KLF13: variants seen among roughly 807,000 people sequenced by gnomAD.
KLF13 encodes the protein Krueppel-like factor 13.
A neutral mutation model predicts 16.7 loss-of-function variants in KLF13; 8 were observed. The ratio of observed to expected loss-of-function variants is 0.48; its 90% CI spans 0.28 to 0.87. KLF13 has a LOEUF of 0.87. KLF13 is among the 40% of genes least tolerant of loss of function. KLF13 has a pLI of 0.10. For missense variants in KLF13, 447 were observed against 452.2 expected (o/e 0.99, Z 0.10); for synonymous variants, 245 against 208.4 (o/e 1.18, Z -1.51).
intron 1 of KLF13, among the ~76,000 whole-genome samples, chr15:31,411,694 T>G (rs1289221609): frequency 1.3e-5 from 2 of 152,010 alleles, no homozygotes; most frequent in East Asian, 3.9e-4. Flanking sequence ...CATGAACCAC[T>G]GTGCCTGGCC....
At chr15:31,412,733 A>G (rs1379406734) in intron 1 of KLF13, among the ~76,000 whole-genome samples, 2 of 152,208 alleles carry the variant, frequency 1.3e-5, no homozygotes, top group African/African-American at 4.8e-5. Context: ...GAAGGCCATA[A>G]AACAGATAGC....
At chr15:31,351,364 T>TA (rs1424600999) in intron 1 of KLF13, among the ~76,000 whole-genome samples, 1 of 152,252 alleles carries the variant, frequency 6.6e-6, no homozygotes, top group Non-Finnish European at 1.5e-5. Context: ...TCACCACTGT[T>TA]AAAACGTGGG....
chr15:31,389,759 T>G (rs11639133), upstream of KLF13, among the ~76,000 whole-genome samples: 85,897 of 151,856 alleles, frequency 0.57, 24,939 homozygotes, highest in South Asian at 0.67. Context: ...ACTGCAACAG[T>G]GGGAGCCTCT....
intron 1 of KLF13, among the ~76,000 whole-genome samples, chr15:31,330,509 C>A (rs2038809724): frequency 6.6e-6 from 1 of 152,226 alleles, no homozygotes; most frequent in African/African-American, 2.4e-5. Flanking sequence ...CCTGCAAAGT[C>A]TTCAGGGACA....
chr15:31,435,496 C>T (rs146901318), exon 2 of KLF13: 3 of 152,312 alleles, frequency 2.0e-5, no homozygotes, highest in African/African-American at 4.8e-5. Flanking sequence ...CAGGCAATGT[C>T]GACACGCCCT....
In KLF13 at chr15:31,372,393, A is replaced by G; in HGVS notation, c.*94A>G. 7.7e-7 allele frequency: 1 copy of G among 1,298,796 alleles called. No individual in the cohort carries two copies. Among genetic ancestry groups the G allele is most frequent in the Non-Finnish European group, 9.9e-7 (1 of 1,008,134 alleles). The allele number at this position is 1,298,796 out of a possible 1,614,324, so 80.5% of individuals were successfully genotyped here. ...AAAGAAGAGAGAGAACTTGATGCAA[A>G]GTCCACGAAAAAACAATTTTTTTCA... is the stretch of plus-strand genomic sequence containing the variant. On this transcript the variant is annotated 3_prime_UTR_variant, in exon 2 of 2. Transcript: ENST00000307145.
At chr15:31,347,531 G>C (rs983391651) in intron 1 of KLF13, among the ~76,000 whole-genome samples, 4 of 152,220 alleles carry the variant, frequency 2.6e-5, no homozygotes, top group African/African-American at 4.8e-5. Flanking sequence ...GGCAGGATGT[G>C]GGGCCCAGGA....
chr15:31,345,551 C>G (rs989802721), intron 1 of KLF13, among the ~76,000 whole-genome samples: 7 of 152,204 alleles, frequency 4.6e-5, no homozygotes, highest in African/African-American at 1.7e-4. Context: ...AGGGTCCCAT[C>G]CTGAAACTGA....
At chr15:31,344,269 C>T (rs1427038186) in intron 1 of KLF13, among the ~76,000 whole-genome samples, 1 of 152,242 alleles carries the variant, frequency 6.6e-6, no homozygotes, top group Non-Finnish European at 1.5e-5. Context: ...GGGGAGTGGG[C>T]ACCTAGGCTT....
At chr15:31,371,567 A>T (rs2039554883) in intron 1 of KLF13, among the ~76,000 whole-genome samples, 1 of 152,150 alleles carries the variant, frequency 6.6e-6, no homozygotes, top group South Asian at 2.1e-4. Flanking sequence ...AGGGGTGCAG[A>T]GTGTGGCTCC....
Position 31,365,444 on chromosome 15 carries a change from C to T in KLF13, c.578-6566C>T, listed in dbSNP as rs879744340. ...GCGAGGCTTCCTAGAGAAGACCCAG[C>T]AGGAGGCCGGCAGAAGAGGCCCTTG... On this transcript the variant is annotated intron_variant, in intron 1 of 1. Transcript: ENST00000307145. 4.9e-4 allele frequency among the ~76,000 whole-genome samples: 75 copies of T among 152,172 alleles called. 1 individual carries two copies. The highest frequency in any genetic ancestry group is 7.3e-5 in the Non-Finnish European group (5 of 68,032).
chr15:31,334,107 T>A (rs1263922609), intron 1 of KLF13, among the ~76,000 whole-genome samples: 9 of 152,180 alleles, frequency 5.9e-5, no homozygotes, highest in Non-Finnish European at 8.8e-5. Flanking sequence ...GGGTTCAGCT[T>A]TGGAAGGCTT....
chr15:31,356,574 G>C (rs761020462), intron 1 of KLF13, among the ~76,000 whole-genome samples: 4 of 152,242 alleles, frequency 2.6e-5, no homozygotes, highest in Non-Finnish European at 5.9e-5. Flanking sequence ...AGAACATGCA[G>C]TGTTTGGTTT....
chr15:31,327,462 A>G lies in KLF13; in HGVS notation c.250A>G (p.Arg84Gly). ...GCCGGCGCCCGCCCCGGCGGAGCGC[A>G]GGGAGGGCGCCGCGGCCCGGAAGGC... ...QAPAPAPAER[R>G]EGAAARKART... Residue 84 changes from arginine (R) to glycine (G), a missense_variant, in exon 1 of 2, where the codon AGG (arginine) becomes GGG (glycine). Transcript: ENST00000307145. The G allele has an allele frequency of 9.2e-7, 1 of 1,089,260 alleles. No individual in the cohort carries two copies. Among genetic ancestry groups the G allele is most frequent in the Non-Finnish European group, 1.1e-6 (1 of 896,862 alleles). 67.5% of individuals were successfully genotyped at this position (1,089,260 alleles called of 1,614,324 possible). A position where few individuals can be genotyped will look rare whatever the true frequency, so the allele number is the denominator to read the frequency against.
At chr15:31,435,191 C>G (rs968152089) in intron 1 of KLF13, among the ~76,000 whole-genome samples, 2 of 152,012 alleles carry the variant, frequency 1.3e-5, no homozygotes, top group Non-Finnish European at 2.9e-5. Context: ...GGGGCTGTTC[C>G]GAGGGGCCTT....
rs116972436 is a variant in KLF13 at position 31,396,787 on chromosome 15, C to T, written n.529+3096C>T. Among the ~76,000 whole-genome samples, 18 of 152,276 alleles carry T rather than the reference C, an allele frequency of 1.2e-4. No homozygotes were observed. In the East Asian group the frequency reaches 3.3e-3, roughly 28 times the overall value. On this transcript the variant is annotated intron_variant and non_coding_transcript_variant, in intron 2 of 2. Transcript: ENST00000500533. ...TAAACCATAATTTCTAATTTTTTGG[C>T]TAATTTATTAGTCCTAGCTACAAAG...
At chr15:31,380,991 A>G (rs1301436169), downstream of KLF13, among the ~76,000 whole-genome samples, 1 of 152,098 alleles carries the variant, frequency 6.6e-6, no homozygotes, top group African/African-American at 2.4e-5. Flanking sequence ...GGCTAACATC[A>G]TGAAACCCCA....
chr15:31,341,097 A>G (rs1339751014), intron 1 of KLF13, among the ~76,000 whole-genome samples: 1 of 152,144 alleles, frequency 6.6e-6, no homozygotes, highest in African/African-American at 2.4e-5. Flanking sequence ...TTGTATTTGC[A>G]TGACCTTCCT....
chr15:31,379,763 C>G (rs1566827364), downstream of KLF13, among the ~76,000 whole-genome samples: 1 of 152,190 alleles, frequency 6.6e-6, no homozygotes, highest in Admixed American at 6.5e-5. Flanking sequence ...CTGTGCTGAG[C>G]AGAGATGACA....
Sources: allele counts gnomAD v4.1 joint callset (sites outside exome capture counted in the v4.1 genomes callset), GRCh38; gene constraint gnomAD v4.1.1; transcripts MANE v1.5; gene names NCBI Gene and HGNC (gene_info 2026-07-23, HGNC 2026-07-21).